The following PIAS3 variants were observed in gnomAD, a reference collection of about 807,000 sequenced individuals.
PIAS3 encodes the protein E3 SUMO-protein ligase PIAS3.
PIAS3 carries 34 observed loss-of-function variants against 67.6 expected under a neutral mutation model. That is an observed-to-expected ratio of 0.50 (90% CI 0.38 to 0.67). PIAS3 has a LOEUF of 0.67. PIAS3 is among the 30% of genes least tolerant of loss of function. The pLI is 0.00. For missense variants in PIAS3, 693 were observed against 791.6 expected (o/e 0.88, Z 1.49); for synonymous variants, 341 against 313.8 (o/e 1.09, Z -0.92).
At position 145,858,962 on chromosome 1, in the gene PIAS3, G is replaced by C. The variant is rs1386492438; in HGVS notation, c.24+5C>G. ...CAGATGGGGATGGGGGGAGGGGGCC[G>C]GTACCTTTAATTCGCCCAGCTCCGC... On this transcript the variant is annotated splice_donor_5th_base_variant and intron_variant, in intron 1 of 13. Transcript: ENST00000393045. 3.3e-6 allele frequency: 5 copies of C among 1,535,994 alleles called. No individual in the cohort carries two copies. Among genetic ancestry groups the C allele is most frequent in the Non-Finnish European group, 4.4e-6 (5 of 1,142,456 alleles).
intron 1 of PIAS3, among the ~76,000 whole-genome samples, chr1:145,858,618 T>C (rs1250856520): frequency 1.3e-5 from 2 of 149,144 alleles, no homozygotes; most frequent in African/African-American, 5.0e-5. Flanking sequence ...TTGGCCTTGA[T>C]CGACTCGCCC....
intron 5 of PIAS3, among the ~76,000 whole-genome samples, chr1:145,855,354 C>T (rs1653124842): frequency 6.6e-6 from 1 of 151,974 alleles, no homozygotes; most frequent in African/African-American, 2.4e-5. Context: ...GGGTGGTGGG[C>T]ACCTGTAATC....
chr1:145,855,232 AG>A (rs1653118506), intron 5 of PIAS3, among the ~76,000 whole-genome samples: 1 of 152,208 alleles, frequency 6.6e-6, no homozygotes, highest in Non-Finnish European at 1.5e-5. Flanking sequence ...CTGTAATCCC[AG>A]CACTTTAGGA....
At chr1:145,850,638 C>A in intron 11 of PIAS3, 52 bp from the exon 12 acceptor site, 1 of 1,604,230 alleles carries the variant, frequency 6.2e-7, no homozygotes, top group Non-Finnish European at 8.5e-7. Flanking sequence ...TGCCCTCACC[C>A]AGCTCAGGTC....
intron 12 of PIAS3, 71 bp from the exon 13 acceptor site, chr1:145,850,340 G>A: frequency 6.2e-7 from 1 of 1,613,146 alleles, no homozygotes; most frequent in Non-Finnish European, 8.5e-7. Flanking sequence ...AAAGCACTGT[G>A]GACTGTGGCC....
Position 145,859,029 on chromosome 1 carries a change from C to T in PIAS3, c.-39G>A. On this transcript the variant is annotated 5_prime_UTR_variant, in exon 1 of 14. Transcript: ENST00000393045. ...AGGCGCCCCAGCCGGAGCCGGAGCT[C>T]AGGCCCAGGGACCGGCGCACAACTC... 2 of 1,541,650 alleles carry T rather than the reference C, an allele frequency of 1.3e-6. No homozygotes were observed. Among genetic ancestry groups the T allele is most frequent in the Non-Finnish European group, 1.7e-6 (2 of 1,144,294 alleles).
chr1:145,851,217 C>T lies in PIAS3; in HGVS notation c.1146-64G>A, dbSNP rs1652950229. On this transcript the variant is annotated intron_variant, in intron 9 of 13. Transcript: ENST00000393045. The stretch of plus-strand genomic sequence containing the variant: ...GATGAGCAGAACAGTAGCCAGAGTT[C>T]TGTAACTCACCTTCCTGTATCTCAG... 2.0e-6 allele frequency: 3 copies of T among 1,514,336 alleles called. No individual in the cohort carries two copies. The African/African-American group carries it at 4.1e-5, about 21-fold the overall frequency. The allele number at this position is 1,514,336 out of a possible 1,614,324, so 93.8% of individuals were successfully genotyped here.
intron 9 of PIAS3, chr1:145,851,475 G>T: frequency 3.7e-6 from 1 of 269,602 alleles, no homozygotes; most frequent in South Asian, 5.0e-5. Flanking sequence ...GGCCAACATG[G>T]TGAAACCTCA....
intron 5 of PIAS3, among the ~76,000 whole-genome samples, chr1:145,855,152 AGG>A (rs1322487696): frequency 6.6e-6 from 1 of 152,166 alleles, no homozygotes; most frequent in Non-Finnish European, 1.5e-5. Context: ...AGGAGGAATA[AGG>A]ATGCCTCACC....
chr1:145,856,745 T>C lies in PIAS3; in HGVS notation c.286A>G (p.Ile96Val), dbSNP rs1553735728. ...CCAGGGGCCAACAGCGTTGGGGGAA[T>C]GGGAGCTAGAGGACCAGGGGAGCCT... is the stretch of plus-strand genomic sequence containing the variant. ...PVGSPGPLAP[I>V]PPTLLAPGTL... The change falls in exon 2 of 14, where the codon ATT becomes GTT. Residue 96 changes from isoleucine to valine, a missense_variant. Physicochemically the swap from Ile to Val is conservative, Grantham distance 29 (BLOSUM62 3). Transcript: ENST00000393045. 3.1e-6 allele frequency: 5 copies of C among 1,613,598 alleles called. No individual in the cohort carries two copies. The highest frequency in any genetic ancestry group is 2.7e-5 in the African/African-American group (2 of 74,786).
intron 8 of PIAS3, 63 bp from the exon 9 acceptor site, chr1:145,853,727 G>A (rs782258432): frequency 2.2e-5 from 36 of 1,605,716 alleles, no homozygotes; most frequent in East Asian, 6.7e-5. Flanking sequence ...AAAACTTCAC[G>A]CCAGTATCCC....
chr1:145,856,472 G>C, intron 2 of PIAS3, 41 bp from the exon 3 acceptor site: 4 of 1,603,766 alleles, frequency 2.5e-6, no homozygotes, highest in Non-Finnish European at 3.4e-6. Context: ...CCCATGCACA[G>C]GCAGCCACAG....
chr1:145,855,299 T>C (rs1388433695), intron 5 of PIAS3, among the ~76,000 whole-genome samples: 1 of 152,036 alleles, frequency 6.6e-6, no homozygotes, highest in Non-Finnish European at 1.5e-5. Flanking sequence ...CTAGCTAACA[T>C]GGTAAAACTC....
Position 145,856,582 on chromosome 1 carries a change from G to A in PIAS3, c.442+7C>T, listed in dbSNP as rs1347255978. The A allele has an allele frequency of 6.4e-7, 1 of 1,570,392 alleles. No homozygotes were observed. Among genetic ancestry groups the A allele is most frequent in the Non-Finnish European group, 8.6e-7 (1 of 1,157,834 alleles). ...CCAGAAGACTAAGGGACCACAAAGA[G>A]CCATACCAAGGGTGGTGGGCCGGAT... is the stretch of plus-strand genomic sequence containing the variant. On this transcript the variant is annotated splice_region_variant and intron_variant, in intron 2 of 13. Transcript: ENST00000393045.
chr1:145,855,939 T>C (rs782595844), intron 4 of PIAS3, 113 bp from the exon 5 acceptor site: 1 of 1,047,994 alleles, frequency 9.5e-7, no homozygotes, highest in Non-Finnish European at 1.5e-6. Flanking sequence ...GCCCTCAGCA[T>C]CCAACAAGAG....
In PIAS3 at chr1:145,853,583, G is replaced by A; in HGVS notation, c.1066C>T (p.Gln356Ter). ...CATGTAGGCTTCTTCTCATTCATCT[G>A]TAGATAAAGGGCAGCATCGAAGCTC... Reference protein sequence around the residue: ...LQSFDAALYLQMNEKKPTWTC... With the variant: ...LQSFDAALYL Residue 356 changes from glutamine to a stop codon, truncating the protein, a stop_gained, in exon 9 of 14, where the codon CAG (glutamine) becomes TAG (stop). Transcript: ENST00000393045. LOFTEE classifies it high-confidence loss of function. 6.2e-7 allele frequency: 1 copy of A among 1,614,038 alleles called. No homozygotes were observed. Among genetic ancestry groups the A allele is most frequent in the Non-Finnish European group, 8.5e-7 (1 of 1,179,928 alleles).
intron 5 of PIAS3, 75 bp from the exon 6 acceptor site, chr1:145,854,955 T>G: frequency 6.5e-7 from 1 of 1,539,392 alleles, no homozygotes; most frequent in Non-Finnish European, 8.9e-7. Flanking sequence ...AAAGATATCT[T>G]GTCTCGGGTT....
intron 5 of PIAS3, among the ~76,000 whole-genome samples, chr1:145,855,492 A>C (rs587600313): frequency 6.6e-6 from 1 of 152,088 alleles, no homozygotes; most frequent in South Asian, 2.1e-4. Flanking sequence ...TCAAAAAAAA[A>C]AAACAAAAAA....
At chr1:145,851,712 C>A (rs1439820726) in intron 9 of PIAS3, among the ~76,000 whole-genome samples, 1 of 146,702 alleles carries the variant, frequency 6.8e-6, no homozygotes, top group Non-Finnish European at 1.5e-5. Context: ...ATCACACTTT[C>A]AGAGACTGAG....
Sources: gnomAD v4.1 joint callset for allele counts (sites outside exome capture counted in the v4.1 genomes callset) on GRCh38, gnomAD v4.1.1 for gene constraint, MANE v1.5 for transcripts, NCBI Gene and HGNC (gene_info 2026-07-23, HGNC 2026-07-21) for gene names.